The following PDE8B variants were observed in gnomAD, a reference collection of about 807,000 sequenced individuals.
PDE8B encodes the protein high affinity cAMP-specific and IBMX-insensitive 3',5'-cyclic phosphodiesterase 8B.
In PDE8B, 26 loss-of-function variants were observed where a neutral mutation model predicts 101.3. The ratio of observed to expected loss-of-function variants is 0.26; its 90% CI spans 0.19 to 0.36. The LOEUF is 0.36. PDE8B is among the 10% of genes least tolerant of loss of function. The probability of loss-of-function intolerance (pLI) is 1.00; values close to 1 mark genes in which losing one functional copy is unlikely to be tolerated. For missense variants in PDE8B, 810 were observed against 1,163.1 expected (o/e 0.70, Z 4.42); for synonymous variants, 424 against 429.3 (o/e 0.99, Z 0.15).
chr5:77,414,666 G>A (rs959858316), intron 17 of PDE8B, among the ~76,000 whole-genome samples: 3 of 150,510 alleles, frequency 2.0e-5, no homozygotes, highest in Non-Finnish European at 4.4e-5. Context: ...TCCTGACCTC[G>A]TGATCCACCC....
intron 10 of PDE8B, among the ~76,000 whole-genome samples, chr5:77,397,790 A>G (rs1791391077): frequency 6.6e-6 from 1 of 152,198 alleles, no homozygotes; most frequent in South Asian, 2.1e-4. Flanking sequence ...TATAGTAGTA[A>G]CCACTTGCTT....
chr5:77,387,805 C>G lies in PDE8B; in HGVS notation c.1168-12443C>G, dbSNP rs115418966. On this transcript the variant is annotated intron_variant, in intron 10 of 21. Coordinates refer to ENST00000264917, the MANE Select transcript of PDE8B (RefSeq NM_003719.5). The stretch of plus-strand genomic sequence containing the variant: ...ATTCTTTTTTCTCTAATCTTGTCTT[C>G]TAGCTTTATTTCTTTAGTTGATCTT... Among the ~76,000 whole-genome samples the G allele has an allele frequency of 5.3e-3, 808 of 152,156 alleles. 9 individuals are homozygous for G. The highest frequency in any genetic ancestry group is 0.018 in the African/African-American group (757 of 41,492).
At chr5:77,343,873 C>CTT (rs34017471) in intron 6 of PDE8B, among the ~76,000 whole-genome samples, 2 of 126,516 alleles carry the variant, frequency 1.6e-5, no homozygotes, top group African/African-American at 3.0e-5. Context: ...ATTTTTAAAT[C>CTT]TTTTTTTTTT....
At chr5:77,179,761 A>G in the PDE8B span, among the ~76,000 whole-genome samples, 45 of 152,200 alleles carry the variant, frequency 3.0e-4, 1 homozygote, top group East Asian at 7.0e-3. Flanking sequence ...TTTTCTCCTT[A>G]TGTTGCTGAG....
At chr5:77,302,115 CAG>C in intron 1 of PDE8B, among the ~76,000 whole-genome samples, 1 of 152,088 alleles carries the variant, frequency 6.6e-6, no homozygotes, top group Middle Eastern at 3.4e-3. Context: ...TGATATTTGT[CAG>C]GGGGAAATGG....
At chr5:77,310,963 G>A (rs1772460000) in intron 1 of PDE8B, among the ~76,000 whole-genome samples, 1 of 152,196 alleles carries the variant, frequency 6.6e-6, no homozygotes, top group Admixed American at 6.5e-5. Context: ...TGTAAAGAAA[G>A]TTTGCTTTTC....
chr5:77,087,098 A>C, the PDE8B span: 2 of 152,278 alleles, frequency 1.3e-5, no homozygotes, highest in African/African-American at 4.8e-5. Flanking sequence ...CGAGTCTGGA[A>C]GCCCACACTC....
At chr5:77,176,154 G>A in the PDE8B span, among the ~76,000 whole-genome samples, 2 of 152,124 alleles carry the variant, frequency 1.3e-5, no homozygotes, top group Non-Finnish European at 2.9e-5. Context: ...CACGTCCAGG[G>A]TGACCAGAAA....
At chr5:77,094,194 T>G in the PDE8B span, among the ~76,000 whole-genome samples, 1 of 152,198 alleles carries the variant, frequency 6.6e-6, no homozygotes, top group African/African-American at 2.4e-5. Context: ...CTCCATTAAG[T>G]TCAAGACACT....
At chr5:77,416,787 C>T (rs150857714) in intron 17 of PDE8B, among the ~76,000 whole-genome samples, 3 of 152,282 alleles carry the variant, frequency 2.0e-5, no homozygotes, top group Non-Finnish European at 4.4e-5. Context: ...ACCTTCCTCA[C>T]CTGAGTAGCA....
At chr5:77,401,544 T>C (rs1392595691) in intron 11 of PDE8B, among the ~76,000 whole-genome samples, 1 of 152,214 alleles carries the variant, frequency 6.6e-6, no homozygotes, top group Non-Finnish European at 1.5e-5. Context: ...TTAAATTTCT[T>C]ATCAGTAAAA....
intron 10 of PDE8B, among the ~76,000 whole-genome samples, chr5:77,368,671 G>A (rs1425127039): frequency 6.6e-6 from 1 of 152,174 alleles, no homozygotes; most frequent in Non-Finnish European, 1.5e-5. Context: ...ACGGTGCTAG[G>A]TAGGTGACTA....
the PDE8B span, chr5:77,145,173 G>A: frequency 6.6e-6 from 1 of 151,942 alleles, no homozygotes; most frequent in Non-Finnish European, 1.5e-5. Context: ...CTTAAAAGCA[G>A]AAACACACAA....
the PDE8B span, among the ~76,000 whole-genome samples, chr5:77,124,356 G>A: frequency 8.5e-5 from 13 of 152,114 alleles, no homozygotes; most frequent in Non-Finnish European, 1.8e-4. Context: ...CTGGGAGGCT[G>A]AGGCGGGTGG....
chr5:77,334,752 A>C (rs1384493476), intron 5 of PDE8B, among the ~76,000 whole-genome samples: 1 of 152,246 alleles, frequency 6.6e-6, no homozygotes, highest in Non-Finnish European at 1.5e-5. Context: ...AGAAGCAAAT[A>C]CATGTTGTTT....
At chr5:77,152,544 T>C in the PDE8B span, among the ~76,000 whole-genome samples, 1 of 152,198 alleles carries the variant, frequency 6.6e-6, no homozygotes, top group African/African-American at 2.4e-5. Context: ...GCAGTTTTAA[T>C]ATACCTGGCT....
chr5:77,256,216 C>T (rs1371679643), intron 1 of PDE8B, among the ~76,000 whole-genome samples: 2 of 152,142 alleles, frequency 1.3e-5, no homozygotes, highest in Non-Finnish European at 2.9e-5. Flanking sequence ...CATTCTATTT[C>T]CACTCCCTCT....
At chr5:77,141,684 C>G in the PDE8B span, 3 of 152,192 alleles carry the variant, frequency 2.0e-5, no homozygotes, top group Admixed American at 6.5e-5. Context: ...GAAGACCTAT[C>G]TATATACCTA....
At chr5:77,140,827 A>T in the PDE8B span, 3 of 152,144 alleles carry the variant, frequency 2.0e-5, no homozygotes, top group Non-Finnish European at 4.4e-5. Context: ...TTGCTGTCAG[A>T]TGTGTTTGCC....
Sources: allele counts gnomAD v4.1 joint callset (sites outside exome capture counted in the v4.1 genomes callset), GRCh38; gene constraint gnomAD v4.1.1; transcripts MANE v1.5; gene names NCBI Gene and HGNC (gene_info 2026-07-23, HGNC 2026-07-21).